Variants in FSTL5 observed in about 807,000 individuals in gnomAD.
FSTL5 encodes the protein follistatin-related protein 5.
In FSTL5, 62 loss-of-function variants were observed where a neutral mutation model predicts 89.1. That is an observed-to-expected ratio of 0.70 (90% confidence interval 0.57 to 0.86). The LOEUF is 0.86. Among genes scored for constraint, FSTL5 ranks in the 40% least tolerant of loss-of-function variants. FSTL5 has a pLI of 0.00. For missense variants in FSTL5, 1,057 were observed against 1,001.6 expected (o/e 1.06, Z -0.75); for synonymous variants, 383 against 346.2 (o/e 1.11, Z -1.18).
At chr4:161,880,524 ACC>A (rs1386862799) in intron 4 of FSTL5, among the ~76,000 whole-genome samples, 2 of 152,138 alleles carry the variant, frequency 1.3e-5, no homozygotes, top group African/African-American at 4.8e-5. Context: ...TACTTTCTTG[ACC>A]TAGCATAAAC....
intron 7 of FSTL5, among the ~76,000 whole-genome samples, chr4:161,605,188 C>T (rs373189068): frequency 2.6e-4 from 40 of 152,258 alleles, no homozygotes; most frequent in Middle Eastern, 3.4e-3. Flanking sequence ...TATGCCAGAG[C>T]TGGTTACAGG....
chr4:161,885,707 C>T (rs2126915756), intron 4 of FSTL5, among the ~76,000 whole-genome samples: 1 of 152,290 alleles, frequency 6.6e-6, no homozygotes, highest in South Asian at 2.1e-4. Context: ...CCTCAGCCTC[C>T]CAAAGTGCTG....
intron 2 of FSTL5, among the ~76,000 whole-genome samples, chr4:162,068,029 G>T (rs1351630919): frequency 6.6e-6 from 1 of 151,678 alleles, no homozygotes; most frequent in Non-Finnish European, 1.5e-5. Context: ...CTATGAACCA[G>T]AGCTCAAGGA....
At position 161,522,231 on chromosome 4, in the gene FSTL5, C is replaced by A. The variant is rs372955304; in HGVS notation, c.1313-11807G>T. On this transcript the variant is annotated intron_variant, in intron 10 of 15. Coordinates refer to ENST00000306100, the MANE Select transcript of FSTL5 (RefSeq NM_020116.5). ...AAAAGAGAATGGGGTCAAAGATGCT[C>A]AGCAGAGAAGTGACAGAGACAGCAA... 7.2e-5 allele frequency among the ~76,000 whole-genome samples: 11 copies of A among 152,228 alleles called. No homozygotes were observed. The East Asian group carries it at 2.1e-3, about 29-fold the overall frequency.
chr4:161,399,866 A>C (rs1731127437), intron 15 of FSTL5, among the ~76,000 whole-genome samples: 1 of 152,122 alleles, frequency 6.6e-6, no homozygotes, highest in South Asian at 2.1e-4. Flanking sequence ...AATTTTATGC[A>C]GTTATAATTT....
chr4:161,894,691 C>T (rs975875077), intron 4 of FSTL5, among the ~76,000 whole-genome samples: 3 of 152,108 alleles, frequency 2.0e-5, no homozygotes, highest in African/African-American at 7.2e-5. Context: ...GTCGACCAGG[C>T]TGACCTCAAG....
intron 3 of FSTL5, among the ~76,000 whole-genome samples, chr4:161,933,115 G>C (rs1355516700): frequency 6.6e-6 from 1 of 151,996 alleles, no homozygotes; most frequent in Non-Finnish European, 1.5e-5. Context: ...ATTGTTGGCC[G>C]ACACGCATGG....
intron 7 of FSTL5, among the ~76,000 whole-genome samples, chr4:161,617,376 G>C (rs1213957966): frequency 6.6e-6 from 1 of 152,024 alleles, no homozygotes. Context: ...AGTTAATGGG[G>C]TGCTGGAGAC....
chr4:161,885,778 T>C (rs1732788942), intron 4 of FSTL5, among the ~76,000 whole-genome samples: 1 of 152,120 alleles, frequency 6.6e-6, no homozygotes, highest in Non-Finnish European at 1.5e-5. Flanking sequence ...TTTCTTTGCT[T>C]CTTTCCTTGT....
At chr4:161,771,228 G>A (rs1373877624) in intron 5 of FSTL5, among the ~76,000 whole-genome samples, 2 of 152,004 alleles carry the variant, frequency 1.3e-5, no homozygotes, top group Non-Finnish European at 2.9e-5. Context: ...TCAAGAATAT[G>A]CCTTCCCTTT....
intron 3 of FSTL5, among the ~76,000 whole-genome samples, chr4:161,945,887 T>C (rs557277404): frequency 6.6e-6 from 1 of 152,272 alleles, no homozygotes; most frequent in East Asian, 1.9e-4. Context: ...TATGTAAAAG[T>C]TTATCATGTA....
chr4:162,151,354 A>T (rs532767062), intron 1 of FSTL5, among the ~76,000 whole-genome samples: 19 of 146,446 alleles, frequency 1.3e-4, no homozygotes, highest in Non-Finnish European at 4.6e-5. Context: ...CTTGGTATGA[A>T]GTTGCTAACT....
At chr4:161,482,694 A>G (rs1038094688) in intron 12 of FSTL5, among the ~76,000 whole-genome samples, 3 of 152,224 alleles carry the variant, frequency 2.0e-5, no homozygotes, top group African/African-American at 7.2e-5. Context: ...CTGCATAACC[A>G]TCATAGGTGG....
chr4:161,554,270 C>G (rs1732314118), intron 8 of FSTL5, among the ~76,000 whole-genome samples: 1 of 151,328 alleles, frequency 6.6e-6, no homozygotes, highest in African/African-American at 2.4e-5. Flanking sequence ...ATATATTTCT[C>G]AAAGGCCCAC....
intron 3 of FSTL5, among the ~76,000 whole-genome samples, chr4:161,980,281 G>T (rs1311515066): frequency 6.8e-6 from 1 of 148,112 alleles, no homozygotes; most frequent in African/African-American, 2.5e-5. Context: ...AAGAAAGAAA[G>T]AAAGAAAGAG....
At chr4:161,851,377 T>C (rs1731544557) in intron 4 of FSTL5, among the ~76,000 whole-genome samples, 1 of 152,196 alleles carries the variant, frequency 6.6e-6, no homozygotes, top group Non-Finnish European at 1.5e-5. Flanking sequence ...GAATAATCTG[T>C]TTAGTTGTTT....
intron 15 of FSTL5, among the ~76,000 whole-genome samples, chr4:161,430,170 A>G (rs765375752): frequency 6.6e-6 from 1 of 152,016 alleles, no homozygotes; most frequent in Non-Finnish European, 1.5e-5. Context: ...GAGCTTGAAG[A>G]CAGGCTATTT....
intron 1 of FSTL5, among the ~76,000 whole-genome samples, chr4:162,116,149 G>A (rs1039810863): frequency 6.6e-6 from 1 of 152,172 alleles, no homozygotes; most frequent in Non-Finnish European, 1.5e-5. Flanking sequence ...GACTTTGAGA[G>A]CAAATTCAAA....
chr4:161,696,491 A>G (rs1738173825), intron 6 of FSTL5, among the ~76,000 whole-genome samples: 1 of 152,038 alleles, frequency 6.6e-6, no homozygotes, highest in Non-Finnish European at 1.5e-5. Flanking sequence ...TGTGAAGAAT[A>G]ATGGGGTATT....
Sources: allele counts gnomAD v4.1 joint callset (sites outside exome capture counted in the v4.1 genomes callset), GRCh38; gene constraint gnomAD v4.1.1; transcripts MANE v1.5; gene names NCBI Gene and HGNC (gene_info 2026-07-23, HGNC 2026-07-21).